TAFA1: variants seen among roughly 807,000 people sequenced by gnomAD.
TAFA1 encodes the protein TAFA chemokine like family member 1.
A neutral mutation model predicts 18.5 loss-of-function variants in TAFA1; 4 were observed. The ratio of observed to expected loss-of-function variants is 0.22; its 90% CI spans 0.11 to 0.49. The LOEUF is 0.49. Among genes scored for constraint, TAFA1 ranks in the 20% least tolerant of loss-of-function variants. TAFA1 has a pLI of 0.98. For synonymous variants in TAFA1, 56 were observed against 55.2 expected, an observed-to-expected ratio of 1.01 and a Z score of -0.06; for missense variants, 147 against 169.0, an observed-to-expected ratio of 0.87 and a Z score of 0.72.
intron 2 of TAFA1, among the ~76,000 whole-genome samples, chr3:68,220,910 C>G (rs1035187780): frequency 6.6e-6 from 1 of 152,174 alleles, no homozygotes; most frequent in African/African-American, 2.4e-5. Context: ...ACTGGCACCA[C>G]AGATGCCTCT....
Position 68,042,945 on chromosome 3 carries a change from T to C in TAFA1, c.118+36201T>C, listed in dbSNP as rs1705196661. 2.6e-5 allele frequency among the ~76,000 whole-genome samples: 4 copies of C among 152,276 alleles called. No individual in the cohort carries two copies. The South Asian group carries it at 8.3e-4, about 32-fold the overall frequency. On this transcript the variant is annotated intron_variant, in intron 2 of 4. Transcript: ENST00000478136. ...CTCTGTCACCCAGGCTGGAGTGCAG[T>C]GGCACGGTCTCGGCTCACTGCAACC...
At chr3:68,383,559 G>A (rs976377948) in intron 2 of TAFA1, among the ~76,000 whole-genome samples, 4 of 152,062 alleles carry the variant, frequency 2.6e-5, no homozygotes, top group African/African-American at 7.2e-5. Flanking sequence ...AAGCTCTTAC[G>A]ATGTGCTGCT....
chr3:68,477,800 G>A (rs2072132648), intron 3 of TAFA1, among the ~76,000 whole-genome samples: 3 of 152,174 alleles, frequency 2.0e-5, no homozygotes, highest in Non-Finnish European at 4.4e-5. Flanking sequence ...GTTTTCCAAA[G>A]AGGTTCTACC....
At chr3:68,183,179 T>G (rs563576582) in intron 2 of TAFA1, among the ~76,000 whole-genome samples, 1 of 152,250 alleles carries the variant, frequency 6.6e-6, no homozygotes, top group African/African-American at 2.4e-5. Context: ...CATTGACTAG[T>G]TTTGCCCAAG....
intron 2 of TAFA1, among the ~76,000 whole-genome samples, chr3:68,270,842 C>T (rs2067651731): frequency 6.6e-6 from 1 of 152,028 alleles, no homozygotes; most frequent in Admixed American, 6.6e-5. Flanking sequence ...TAATGAAGCA[C>T]CTGGGGGGCA....
chr3:68,215,688 C>A (rs980169442), intron 2 of TAFA1, among the ~76,000 whole-genome samples: 3 of 152,014 alleles, frequency 2.0e-5, no homozygotes, highest in African/African-American at 7.2e-5. Context: ...GAATGTGGAA[C>A]AACAGGACCT....
intron 2 of TAFA1, among the ~76,000 whole-genome samples, chr3:68,364,324 T>C (rs887870851): frequency 2.6e-5 from 4 of 152,196 alleles, no homozygotes; most frequent in Non-Finnish European, 4.4e-5. Context: ...CCAGGTACTT[T>C]TGGTGATTCG....
intron 2 of TAFA1, among the ~76,000 whole-genome samples, chr3:68,252,946 C>T (rs951266057): frequency 6.6e-6 from 1 of 152,122 alleles, no homozygotes; most frequent in African/African-American, 2.4e-5. Context: ...CGAAGATCCC[C>T]TGCACAAACT....
intron 2 of TAFA1, among the ~76,000 whole-genome samples, chr3:68,290,911 A>C (rs56309617): frequency 0.024 from 3,653 of 149,342 alleles, 146 homozygotes; most frequent in African/African-American, 0.085. Context: ...AAAAAAAAAA[A>C]CTCTTTTTTC....
chr3:68,057,120 G>T (rs1371705847), intron 2 of TAFA1, among the ~76,000 whole-genome samples: 1 of 152,196 alleles, frequency 6.6e-6, no homozygotes, highest in Non-Finnish European at 1.5e-5. Context: ...TGAGGGCAGA[G>T]CATCCTCTCC....
At position 68,120,169 on chromosome 3, in the gene TAFA1, T is replaced by C. The variant is rs6801450; in HGVS notation, c.118+113425T>C. Among the ~76,000 whole-genome samples the C allele has an allele frequency of 2.4e-3, 332 of 137,938 alleles. 8 individuals carry two copies. The highest frequency in any genetic ancestry group is 9.8e-3 in the African/African-American group (297 of 30,410). 90.5% of individuals were successfully genotyped at this position (137,938 alleles called of 152,430 possible). A position where few individuals can be genotyped will look rare whatever the true frequency, so the allele number is the denominator to read the frequency against. ...ATTTTCTTTCTTTCTTTCTCTTTCTTTCTCTTTCTTTCTTTCTTTCTTTCT... is the reference window on the plus strand; with the variant it reads ...ATTTTCTTTCTTTCTTTCTCTTTCTCTCTCTTTCTTTCTTTCTTTCTTTCT... On this transcript the variant is annotated intron_variant, in intron 2 of 4. Transcript: ENST00000478136.
chr3:68,469,468 A>G (rs1232115476), intron 3 of TAFA1, among the ~76,000 whole-genome samples: 2 of 152,080 alleles, frequency 1.3e-5, no homozygotes, highest in African/African-American at 4.8e-5. Flanking sequence ...AAGTCAGGAG[A>G]TCGAGACCAT....
chr3:68,101,791 C>G (rs2065150628), intron 2 of TAFA1, among the ~76,000 whole-genome samples: 1 of 152,102 alleles, frequency 6.6e-6, no homozygotes, highest in Non-Finnish European at 1.5e-5. Context: ...ATGGAGTGCT[C>G]TCCAAAAACT....
At chr3:68,506,457 A>G (rs978433453) in intron 3 of TAFA1, among the ~76,000 whole-genome samples, 1 of 106,974 alleles carries the variant, frequency 9.3e-6, no homozygotes, top group Admixed American at 8.6e-5. Context: ...GGTGTGTTCA[A>G]CACACACACA....
chr3:68,373,111 A>T (rs2069744222), intron 2 of TAFA1, among the ~76,000 whole-genome samples: 2 of 152,128 alleles, frequency 1.3e-5, no homozygotes, highest in Admixed American at 1.3e-4. Flanking sequence ...CCAGCCCCTA[A>T]CACAGTGCCT....
intron 2 of TAFA1, among the ~76,000 whole-genome samples, chr3:68,007,768 C>T (rs1277273831): frequency 6.6e-6 from 1 of 152,162 alleles, no homozygotes; most frequent in Non-Finnish European, 1.5e-5. Flanking sequence ...GTCGAGCTTC[C>T]TCCTGCTGCG....
At chr3:68,458,832 C>A (rs1362486361) in intron 3 of TAFA1, among the ~76,000 whole-genome samples, 1 of 151,616 alleles carries the variant, frequency 6.6e-6, no homozygotes, top group Non-Finnish European at 1.5e-5. Context: ...TAAGAAAGGG[C>A]AAACCTGAAT....
chr3:68,013,360 A>G (rs569220250), intron 2 of TAFA1, among the ~76,000 whole-genome samples: 1 of 152,136 alleles, frequency 6.6e-6, no homozygotes, highest in Non-Finnish European at 1.5e-5. Context: ...ACATACATGT[A>G]TTATGTGTGT....
chr3:68,262,463 C>G (rs920814656), intron 2 of TAFA1, among the ~76,000 whole-genome samples: 1 of 150,568 alleles, frequency 6.6e-6, no homozygotes, highest in African/African-American at 2.4e-5. Context: ...TCCACCATAT[C>G]TATTGTTCCT....
Sources: allele counts gnomAD v4.1 joint callset (sites outside exome capture counted in the v4.1 genomes callset), GRCh38; gene constraint gnomAD v4.1.1; transcripts MANE v1.5; gene names NCBI Gene and HGNC (gene_info 2026-07-23, HGNC 2026-07-21).